CLNK: variants seen among roughly 807,000 people sequenced by gnomAD.
The protein encoded by CLNK is cytokine dependent hematopoietic cell linker.
Under a neutral mutation model 68.6 loss-of-function variants are expected in CLNK, and 74 were observed. That is an observed-to-expected ratio of 1.08 (90% CI 0.89 to 1.31). CLNK has a LOEUF of 1.31. CLNK is among the 50% of genes most tolerant of loss of function. The pLI, the probability that CLNK is intolerant of heterozygous loss-of-function variation, is 0.00. For synonymous variants in CLNK, 198 were observed against 172.2 expected, an observed-to-expected ratio of 1.15 and a Z score of -1.17; for missense variants, 553 against 515.3, an observed-to-expected ratio of 1.07 and a Z score of -0.71.
the CLNK span, chr4:10,697,423 TG>T: frequency 6.6e-6 from 1 of 152,186 alleles, no homozygotes; most frequent in Non-Finnish European, 1.5e-5. Context: ...CTGCTGGAAC[TG>T]GGGTCAGGGT....
intron 2 of CLNK, among the ~76,000 whole-genome samples, chr4:10,615,480 G>A (rs190309685): frequency 4.0e-4 from 61 of 151,538 alleles, no homozygotes; most frequent in African/African-American, 1.4e-3. Context: ...TCGTGCCGCC[G>A]CACTCCAGCC....
intron 2 of CLNK, among the ~76,000 whole-genome samples, chr4:10,626,449 G>T (rs756592485): frequency 6.6e-6 from 1 of 151,984 alleles, no homozygotes; most frequent in South Asian, 2.1e-4. Flanking sequence ...AAGACAACTG[G>T]AGAAAGTCAG....
chr4:10,614,748 A>G (rs971087853), intron 2 of CLNK, among the ~76,000 whole-genome samples: 1 of 152,254 alleles, frequency 6.6e-6, no homozygotes, highest in Non-Finnish European at 1.5e-5. Flanking sequence ...TGATGACAGC[A>G]TGTCACAGAA....
chr4:10,674,482 T>A (rs1007352058), intron 1 of CLNK, among the ~76,000 whole-genome samples: 12 of 152,236 alleles, frequency 7.9e-5, no homozygotes, highest in Admixed American at 7.9e-4. Context: ...GGGTTGGAAC[T>A]CTGTGCTTTC....
At chr4:10,630,620 C>G (rs1158442448) in intron 2 of CLNK, among the ~76,000 whole-genome samples, 1 of 152,162 alleles carries the variant, frequency 6.6e-6, no homozygotes, top group Non-Finnish European at 1.5e-5. Flanking sequence ...ATACCTTTCC[C>G]CAAGTCCACT....
intron 2 of CLNK, among the ~76,000 whole-genome samples, chr4:10,613,715 G>A (rs1424286076): frequency 1.3e-5 from 2 of 152,194 alleles, no homozygotes; most frequent in Non-Finnish European, 2.9e-5. Flanking sequence ...AGATGGAACA[G>A]GGTGGGAGCA....
At chr4:10,695,951 GTTCAAGCAA>G in the CLNK span, among the ~76,000 whole-genome samples, 1 of 151,862 alleles carries the variant, frequency 6.6e-6, no homozygotes, top group African/African-American at 2.4e-5. Flanking sequence ...TGCCTCCCGG[GTTCAAGCAA>G]CTCTCCTGCC....
chr4:10,701,607 C>T, the CLNK span, among the ~76,000 whole-genome samples: 1 of 152,210 alleles, frequency 6.6e-6, no homozygotes, highest in Non-Finnish European at 1.5e-5. Context: ...TGATAATATG[C>T]AGGAACTGAT....
chr4:10,703,567 T>A, the CLNK span, among the ~76,000 whole-genome samples: 1 of 152,156 alleles, frequency 6.6e-6, no homozygotes, highest in Non-Finnish European at 1.5e-5. Context: ...AGCAGAATCT[T>A]TTCTGGGTCT....
chr4:10,686,940 C>T (rs1725294260), upstream of CLNK, among the ~76,000 whole-genome samples: 1 of 151,964 alleles, frequency 6.6e-6, no homozygotes, highest in Admixed American at 6.6e-5. Context: ...AATTTATTAT[C>T]TATTGAATAT....
intron 2 of CLNK, among the ~76,000 whole-genome samples, chr4:10,623,981 T>TAACGTGA (rs758907195): frequency 2.8e-4 from 42 of 152,252 alleles, no homozygotes; most frequent in Non-Finnish European, 4.8e-4. Context: ...GGTACGTGTT[T>TAACGTGA]AACGTGAAAC....
intron 2 of CLNK, among the ~76,000 whole-genome samples, chr4:10,666,976 G>T (rs770897123): frequency 6.6e-6 from 1 of 152,196 alleles, no homozygotes; most frequent in Non-Finnish European, 1.5e-5. Context: ...TACAGTCATT[G>T]CAGTCCCCTA....
intron 2 of CLNK, among the ~76,000 whole-genome samples, chr4:10,621,046 C>T (rs1403220946): frequency 2.0e-5 from 3 of 152,062 alleles, no homozygotes; most frequent in Non-Finnish European, 4.4e-5. Context: ...GGAGACAGAG[C>T]TTGCAGTGAG....
At chr4:10,507,148 G>A (rs1202621103) in intron 17 of CLNK, among the ~76,000 whole-genome samples, 2 of 151,464 alleles carry the variant, frequency 1.3e-5, no homozygotes, top group Non-Finnish European at 2.9e-5. Context: ...GTCTTGCTCT[G>A]TGGCCCAGGC....
chr4:10,615,488 G>A (rs1250320822), intron 2 of CLNK, among the ~76,000 whole-genome samples: 1 of 152,096 alleles, frequency 6.6e-6, no homozygotes, highest in Non-Finnish European at 1.5e-5. Context: ...CCGCACTCCA[G>A]CCTGGGCAAC....
chr4:10,569,243 C>T lies in CLNK; in HGVS notation c.150+2498G>A, dbSNP rs146539816. The stretch of plus-strand genomic sequence containing the variant: ...CATTCCTGAAATGGAGCCAGGAGAC[C>T]AGGTTACAGACCATTGGTACTGCAC... On this transcript the variant is annotated intron_variant, in intron 5 of 18. Coordinates refer to ENST00000226951, the MANE Select transcript of CLNK (RefSeq NM_052964.4). 2.2e-4 allele frequency among the ~76,000 whole-genome samples: 32 copies of T among 147,868 alleles called. No individual in the cohort carries two copies. The East Asian group carries it at 5.5e-3, about 26-fold the overall frequency.
chr4:10,522,324 A>ACGGTGGCTT (rs1718113093), intron 14 of CLNK, among the ~76,000 whole-genome samples: 4 of 151,722 alleles, frequency 2.6e-5, no homozygotes, highest in African/African-American at 9.7e-5. Flanking sequence ...CTGTAATCCC[A>ACGGTGGCTT]ACACTTTGGG....
chr4:10,629,673 C>A (rs1027321382), intron 2 of CLNK, among the ~76,000 whole-genome samples: 2 of 151,994 alleles, frequency 1.3e-5, no homozygotes, highest in African/African-American at 4.8e-5. Flanking sequence ...CAAAACCAGG[C>A]CAATGTCTCT....
rs576211222 is a variant in CLNK at position 10,678,349 on chromosome 4, A to G, written c.-43+6319T>C. Among the ~76,000 whole-genome samples the G allele has an allele frequency of 8.5e-5, 13 of 152,338 alleles. No homozygotes were observed. In the South Asian group the frequency reaches 2.7e-3, roughly 32 times the overall value. On this transcript the variant is annotated intron_variant, in intron 1 of 18. Transcript: ENST00000226951. ...CTCTGTAAAGTATAAACCGCTATGC[A>G]AGAATAGTTCCACAGATAATTACTG... is the stretch of plus-strand genomic sequence containing the variant.
Sources: allele counts gnomAD v4.1 joint callset (sites outside exome capture counted in the v4.1 genomes callset), GRCh38; gene constraint gnomAD v4.1.1; transcripts MANE v1.5; gene names NCBI Gene and HGNC (gene_info 2026-07-23, HGNC 2026-07-21).